GRM5: variants seen among roughly 807,000 people sequenced by gnomAD.
The protein encoded by GRM5 is metabotropic glutamate receptor 5.
GRM5 carries 19 observed loss-of-function variants against 83.1 expected under a neutral mutation model. The observed-to-expected ratio is 0.23, with a 90% CI of 0.16 to 0.34. The LOEUF (loss-of-function observed/expected upper bound fraction) is 0.34, where lower values mean the gene tolerates loss of function less well. GRM5 is among the 10% of genes least tolerant of loss of function. The pLI is 1.00. For missense variants in GRM5, 1,160 were observed against 1,588.3 expected (o/e 0.73, Z 4.58); for synonymous variants, 675 against 633.6 (o/e 1.07, Z -0.98).
chr11:88,707,648 G>C (rs149417718), intron 3 of GRM5, among the ~76,000 whole-genome samples: 101 of 152,108 alleles, frequency 6.6e-4, no homozygotes, highest in African/African-American at 2.3e-3. Flanking sequence ...TGTGGATTTT[G>C]GTATCTGTAG....
At chr11:88,563,333 G>A (rs947202575) in intron 8 of GRM5, among the ~76,000 whole-genome samples, 1 of 152,134 alleles carries the variant, frequency 6.6e-6, no homozygotes, top group Non-Finnish European at 1.5e-5. Flanking sequence ...TTTTCCATCT[G>A]TGTACATACA....
intron 3 of GRM5, among the ~76,000 whole-genome samples, chr11:88,717,618 C>T (rs1941426997): frequency 6.6e-6 from 1 of 151,794 alleles, no homozygotes; most frequent in South Asian, 2.1e-4. Context: ...TAAATCTTTT[C>T]ATATAGCAAA....
intron 3 of GRM5, among the ~76,000 whole-genome samples, chr11:88,756,370 G>C (rs1434591104): frequency 6.6e-6 from 1 of 152,074 alleles, no homozygotes; most frequent in Non-Finnish European, 1.5e-5. Flanking sequence ...AGATTTTAGG[G>C]TCTCAGATCT....
chr11:88,975,116 G>A (rs1939291841), intron 2 of GRM5, among the ~76,000 whole-genome samples: 1 of 152,182 alleles, frequency 6.6e-6, no homozygotes, highest in Non-Finnish European at 1.5e-5. Context: ...GTTAGAACAA[G>A]AGATATAAGT....
intron 3 of GRM5, among the ~76,000 whole-genome samples, chr11:88,819,156 T>C (rs572812422): frequency 6.6e-6 from 1 of 152,298 alleles, no homozygotes; most frequent in South Asian, 2.1e-4. Context: ...GGAAAGAGCA[T>C]AGGTCTTGGA....
intron 3 of GRM5, among the ~76,000 whole-genome samples, chr11:88,707,455 A>C (rs979482283): frequency 6.6e-6 from 1 of 152,120 alleles, no homozygotes; most frequent in African/African-American, 2.4e-5. Flanking sequence ...ACCTGTCCAT[A>C]TATTTTTCTC....
At chr11:88,797,392 G>A (rs144777521) in intron 3 of GRM5, among the ~76,000 whole-genome samples, 3,866 of 152,102 alleles carry the variant, frequency 0.025, 170 homozygotes, top group African/African-American at 0.089. Flanking sequence ...CATCCGCCTC[G>A]GCCTCCCAAA....
At chr11:88,608,100 C>T (rs943817452) in intron 4 of GRM5, among the ~76,000 whole-genome samples, 5 of 152,160 alleles carry the variant, frequency 3.3e-5, no homozygotes, top group East Asian at 1.9e-4. Flanking sequence ...AGACTCCATC[C>T]ACCCTAGGCA....
chr11:88,912,998 T>C (rs180901443), intron 2 of GRM5, among the ~76,000 whole-genome samples: 108 of 152,330 alleles, frequency 7.1e-4, no homozygotes, highest in Middle Eastern at 3.4e-3. Context: ...TATTTTAATA[T>C]TCTTAATAAC....
rs535871528 is a variant in GRM5 at position 88,825,906 on chromosome 11, A to G, written c.911+24000T>C. Among the ~76,000 whole-genome samples, 23 of 152,302 alleles carry G rather than the reference A, an allele frequency of 1.5e-4. No individual in the cohort carries two copies. The East Asian group carries it at 3.5e-3, about 23-fold the overall frequency. ...TTAACACAAGGCATGCCCAAACATT[A>G]CTCTAAACATTAACCAAACTCCATG... is the stretch of plus-strand genomic sequence containing the variant. On this transcript the variant is annotated intron_variant, in intron 3 of 9. Transcript: ENST00000305447.
Position 88,742,268 on chromosome 11 carries a change from T to C in GRM5, c.912-88865A>G, listed in dbSNP as rs145472453. Among the ~76,000 whole-genome samples the C allele has an allele frequency of 3.9e-5, 6 of 152,134 alleles. No homozygotes were observed. In the East Asian group the frequency reaches 1.2e-3, roughly 29 times the overall value. On this transcript the variant is annotated intron_variant, in intron 3 of 9. Coordinates refer to ENST00000305447, the MANE Select transcript of GRM5 (RefSeq NM_001143831.3). ...ACTTTATAAAGCACTTTCATAGCCA[T>C]TATCTTATTTGCTCCTCAAAACAAT...
At chr11:88,777,520 A>G (rs1942882894) in intron 3 of GRM5, among the ~76,000 whole-genome samples, 1 of 152,102 alleles carries the variant, frequency 6.6e-6, no homozygotes, top group Non-Finnish European at 1.5e-5. Context: ...GGGCACTCTG[A>G]TTTTTAGAAT....
At position 88,508,816 on chromosome 11, in the gene GRM5, C is replaced by T. The variant is rs946242055; in HGVS notation, c.3415G>A (p.Ala1139Thr). The change falls in exon 10 of 10, where the codon GCG (alanine) becomes ACG (threonine). Residue 1139 changes from alanine to threonine, a missense_variant. Around this residue, in one of 9 missense-constraint regions of GRM5, gnomAD observed 562 missense variants for 532.4 expected, o/e 1.06. Transcript: ENST00000305447. This position sits in a 1 kb window ranked among gnomAD's most constrained non-coding sequence, Gnocchi z 4.2. Reference protein sequence around the residue: ...PAAGAQAAGDAARESPAAGPE... With the variant: ...PAAGAQAAGDTARESPAAGPE... The stretch of plus-strand genomic sequence containing the variant: ...CCGGCCGCGGGGCTCTCCCGGGCCG[C>T]GTCCCCAGCCGCCTGCGCCCCTGCC... 2.6e-6 allele frequency: 4 copies of T among 1,526,020 alleles called. No individual in the cohort carries two copies. The highest frequency in any genetic ancestry group is 1.8e-6 in the Non-Finnish European group (2 of 1,137,158). The allele number at this position is 1,526,020 out of a possible 1,614,324, so 94.5% of individuals were successfully genotyped here. A position where few individuals can be genotyped will look rare whatever the true frequency, so the allele number is the denominator to read the frequency against.
At chr11:88,989,805 G>A (rs564255409) in intron 2 of GRM5, among the ~76,000 whole-genome samples, 1 of 150,960 alleles carries the variant, frequency 6.6e-6, no homozygotes, top group East Asian at 1.9e-4. Context: ...GATGTTCTTT[G>A]AAACCAACGA....
intron 3 of GRM5, among the ~76,000 whole-genome samples, chr11:88,716,322 G>A (rs898547721): frequency 6.6e-6 from 1 of 151,910 alleles, no homozygotes; most frequent in African/African-American, 2.4e-5. Flanking sequence ...TGCACATAGT[G>A]AACTGTCAGT....
intron 4 of GRM5, among the ~76,000 whole-genome samples, chr11:88,643,770 T>C (rs200354748): frequency 6.7e-6 from 1 of 148,276 alleles, no homozygotes; most frequent in African/African-American, 2.5e-5. Context: ...GATTTTTTTT[T>C]ATTTTCCCCA....
intron 9 of GRM5, among the ~76,000 whole-genome samples, chr11:88,516,974 T>A (rs11822699): frequency 0.14 from 21,161 of 152,114 alleles, 1,607 homozygotes; most frequent in Non-Finnish European, 0.16. Context: ...CCTTAATATT[T>A]CCAGATTAAG....
intron 3 of GRM5, among the ~76,000 whole-genome samples, chr11:88,771,251 A>C (rs909461296): frequency 6.6e-6 from 1 of 152,094 alleles, no homozygotes; most frequent in Non-Finnish European, 1.5e-5. Flanking sequence ...AAGGAAGTTT[A>C]TTAAGGAGAA....
rs530323705 is a variant in GRM5, at chr11:88,722,819, A to G, written c.912-69416T>C. On this transcript the variant is annotated intron_variant, in intron 3 of 9. Transcript: ENST00000305447. ...TCCCCTAATATTAACATCTTGTATT[A>G]TTGTAGAATAGTTGTTACAATTGAT... Among the ~76,000 whole-genome samples the G allele has an allele frequency of 5.9e-5, 9 of 152,250 alleles. No individual in the cohort carries two copies. The South Asian group carries it at 1.9e-3, about 32-fold the overall frequency.
Sources: gnomAD v4.1 joint callset for allele counts (sites outside exome capture counted in the v4.1 genomes callset) on GRCh38, gnomAD v4.1.1 for gene constraint, gnomAD v4.1.1 regional missense constraint, Gnocchi (gnomAD v3.1) non-coding constraint, MANE v1.5 for transcripts, NCBI Gene and HGNC (gene_info 2026-07-23, HGNC 2026-07-21) for gene names.